Variants in HRC observed in about 807,000 individuals in gnomAD.
HRC encodes sarcoplasmic reticulum histidine-rich calcium-binding protein.
A neutral mutation model predicts 61.4 loss-of-function variants in HRC; 41 were observed. That is an observed-to-expected ratio of 0.67 (90% CI 0.52 to 0.87). The LOEUF is 0.87. HRC is among the 40% of genes least tolerant of loss of function. The probability of loss-of-function intolerance (pLI) is 0.00; values close to 1 mark genes in which losing one functional copy is unlikely to be tolerated. For missense variants in HRC, 839 were observed against 885.8 expected (o/e 0.95, Z 0.67); for synonymous variants, 308 against 326.6 (o/e 0.94, Z 0.62).
At position 49,154,598 on chromosome 19, in the gene HRC, G is replaced by GGGA. The variant is rs1568446146; in HGVS notation, c.639_640insTCC (p.Ala213_His214insSer). On this transcript the variant is annotated inframe_insertion, in exon 1 of 6. Coordinates refer to ENST00000252825, the MANE Select transcript of HRC (RefSeq NM_002152.3). ...TCACTCCCATGGCCTCGGTGCCTGTGGGCCTGGTGTCCATACTCAGTGGAG... is the reference window on the plus strand; with the variant it reads ...TCACTCCCATGGCCTCGGTGCCTGTGGGAGGCCTGGTGTCCATACTCAGTGGAG... The GGGA allele has an allele frequency of 6.2e-7, 1 of 1,604,042 alleles. No individual in the cohort carries two copies.
intron 3 of HRC, 51 bp downstream of exon 3, chr19:49,152,259 C>G (rs372481224): frequency 1.3e-6 from 2 of 1,530,588 alleles, no homozygotes; most frequent in African/African-American, 2.7e-5. Flanking sequence ...TCAGAGGGTC[C>G]CGGTGCATCC....
chr19:49,152,350 C>T lies in HRC; in HGVS notation c.1931G>A (p.Cys644Tyr). The change falls in exon 3 of 6, where the codon TGT becomes TAT. Residue 644 changes from cysteine to tyrosine, a missense_variant. Coordinates refer to ENST00000252825, the MANE Select transcript of HRC (RefSeq NM_002152.3). The stretch of plus-strand genomic sequence containing the variant: ...GTGCTCACCCATGTTCTCCTCATCA[C>T]AGTGACAGCTCTCACATTCAGTGCA... ...NRCTECESCH[C>Y]DEENMGEHCD... 6.2e-7 allele frequency: 1 copy of T among 1,613,816 alleles called. No homozygotes were observed. The highest frequency in any genetic ancestry group is 8.5e-7 in the Non-Finnish European group (1 of 1,179,958).
chr19:49,152,178 C>T, intron 3 of HRC, 120 bp from the exon 4 acceptor site: 8 of 1,267,386 alleles, frequency 6.3e-6, no homozygotes, highest in Non-Finnish European at 8.1e-6. Context: ...GAGTCAGGAT[C>T]GCTTGTGGAG....
At chr19:49,152,664 G>T (rs2041373345) in intron 2 of HRC, among the ~76,000 whole-genome samples, 1 of 151,986 alleles carries the variant, frequency 6.6e-6, no homozygotes, top group African/African-American at 2.4e-5. Flanking sequence ...CCGTCTCCCG[G>T]GTTCAAGCGA....
rs111701766 is a variant in HRC at position 49,154,682 on chromosome 19, C to T, written c.556G>A (p.Asp186Asn). 8.1e-6 allele frequency: 13 copies of T among 1,613,964 alleles called. No individual in the cohort carries two copies. Among genetic ancestry groups the T allele is most frequent in the African/African-American group, 2.7e-5 (2 of 75,006 alleles). ...TCTTCTCCTTCATCATCTTCCCCAT[C>T]ATGGCCTCGGTGTCCATGCCTGAGG... ...HILRHGHRGH[D>N]GEDDEGEEEE... is the part of the protein sequence containing the mutation. The change falls in exon 1 of 6, where the codon GAT becomes AAT. Residue 186 changes from aspartate to asparagine, a missense_variant. Transcript: ENST00000252825.
At position 49,153,516 on chromosome 19, in the gene HRC, C is replaced by G. The variant is rs772943983; in HGVS notation, c.1722G>C (p.Glu574Asp). Reference sequence around the variant, plus strand: ...GGGGCTCATCTTCCTCCAGCCCCTCCTCCTCCTCCTCTTCCTCCTCGCTGT... The same window carrying G: ...GGGGCTCATCTTCCTCCAGCCCCTCGTCCTCCTCCTCTTCCTCCTCGCTGT... ...PDHSEEEEEEEEGLEEDEPRF... is the reference protein window; with the variant it reads ...PDHSEEEEEEDEGLEEDEPRF... Residue 574 changes from glutamate to aspartate, a missense_variant, in exon 1 of 6, where the codon GAG becomes GAC. Glu to Asp is a conservative substitution (Grantham distance 45). Transcript: ENST00000252825. The surrounding 1 kb of genome is among the most constrained non-coding windows in gnomAD (Gnocchi z 4.8). The G allele has an allele frequency of 9.5e-6, 15 of 1,581,796 alleles. No homozygotes were observed. In the East Asian group the frequency reaches 3.1e-4, roughly 33 times the overall value.
At chr19:49,152,896 C>T (rs2041375635) in intron 2 of HRC, among the ~76,000 whole-genome samples, 1 of 152,026 alleles carries the variant, frequency 6.6e-6, no homozygotes, top group Admixed American at 6.6e-5. Context: ...TATCTCAGGG[C>T]GACCCCATGT....
In HRC at chr19:49,154,663, C is replaced by T. The variant is rs200730671; in HGVS notation, c.575G>A (p.Gly192Glu). The T allele has an allele frequency of 6.3e-7, 1 of 1,595,464 alleles. No homozygotes were observed. The highest frequency in any genetic ancestry group is 1.4e-5 in the African/African-American group (1 of 72,566). ...HRGHDGEDDEGEEEEEEEEEE... is the reference protein window; with the variant it reads ...HRGHDGEDDEEEEEEEEEEEE... ...CTCCTCCTCCTCCTCCTCCTCTTCT[C>T]CTTCATCATCTTCCCCATCATGGCC... The change falls in exon 1 of 6, where the codon GGA becomes GAA. Residue 192 changes from glycine to glutamate, a missense_variant. Transcript: ENST00000252825.
Position 49,153,708 on chromosome 19 carries a change from A to T in HRC, c.1530T>A (p.His510Gln). The change falls in exon 1 of 6, where the codon CAT becomes CAA. Residue 510 changes from histidine to glutamine, a missense_variant. By Grantham distance (24) the His-to-Gln change is conservative. Transcript: ENST00000252825. The surrounding 1 kb of genome is among the most constrained non-coding windows in gnomAD (Gnocchi z 4.8). ...ESSEQGEKGT[H>Q]HGSRDQEDEE... ...CATCTTCCTGGTCCCGGCTGCCATG[A>T]TGGGTGCCTTTCTCTCCCTGCTCTG... 6.2e-7 allele frequency: 1 copy of T among 1,613,582 alleles called. No homozygotes were observed.
rs2041408685 is a variant in HRC, at chr19:49,154,831, C to T, written c.407G>A (p.Gly136Asp). 6.2e-7 allele frequency: 1 copy of T among 1,614,152 alleles called. No individual in the cohort carries two copies. Among genetic ancestry groups the T allele is most frequent in the Non-Finnish European group, 8.5e-7 (1 of 1,180,012 alleles). The stretch of plus-strand genomic sequence containing the variant: ...GTCTTCCGTGTCTTCACTCCCGTGG[C>T]CTCTGTGCCCACGGGCCTGCCCACC... ...EHGGQARGHR[G>D]HGSEDTEDSA... The change falls in exon 1 of 6, where the codon GGC becomes GAC. Residue 136 changes from glycine (G) to aspartate (D), a missense_variant. Transcript: ENST00000252825.
rs2041393875 is a variant in HRC, at chr19:49,154,330, T to A, written c.908A>T (p.Asp303Val). 1.9e-6 allele frequency: 3 copies of A among 1,613,188 alleles called. No individual in the cohort carries two copies. Among genetic ancestry groups the A allele is most frequent in the East Asian group, 4.5e-5 (2 of 44,858 alleles). ...PSHRHRSHEE[D>V]DNDDDDVSTE... ...GGAGACATCATCATCATCATTGTCA[T>A]CTTCTTCATGGCTTCGGTGCCTGTG... The change falls in exon 1 of 6, where the codon GAT becomes GTT. Residue 303 changes from aspartate (D) to valine (V), a missense_variant. By Grantham distance (152) the Asp-to-Val change is radical (BLOSUM62 -3). Transcript: ENST00000252825.
At chr19:49,151,773 A>C (rs531986737) in intron 4 of HRC, among the ~76,000 whole-genome samples, 4 of 152,058 alleles carry the variant, frequency 2.6e-5, no homozygotes, top group Admixed American at 2.6e-4. Flanking sequence ...CTCGCCCATT[A>C]GGCTCTAAGC....
intron 5 of HRC, 34 bp from the exon 6 acceptor site, chr19:49,151,366 G>A: frequency 6.4e-7 from 1 of 1,556,578 alleles, no homozygotes; most frequent in South Asian, 1.2e-5. Context: ...TAGACAGCTG[G>A]TGTTCAAAGC....
At position 49,154,472 on chromosome 19, in the gene HRC, CAT is replaced by C; in HGVS notation, c.764_765del (p.Asp255GlyfsTer2). The C allele has an allele frequency of 6.3e-7, 1 of 1,587,018 alleles. No homozygotes were observed. The highest frequency in any genetic ancestry group is 8.6e-7 in the Non-Finnish European group (1 of 1,160,784). ...EDDDDDDDDD[D>X]DDDDDDVSIE... ...ATGGAGACATCATCATCATCATCAT[CAT>C]CATCATCATCATCATCATCATCGTC... On this transcript the variant is annotated frameshift_variant, in exon 1 of 6. Coordinates refer to ENST00000252825, the MANE Select transcript of HRC (RefSeq NM_002152.3). LOFTEE classifies it high-confidence loss of function.
In HRC at chr19:49,154,802, C is replaced by T. The variant is rs754385123; in HGVS notation, c.436G>A (p.Ala146Thr). The stretch of plus-strand genomic sequence containing the variant: ...CTGGGGAGGTGGTGCCTGTGCTCAG[C>T]TGAGTCTTCCGTGTCTTCACTCCCG... ...GHGSEDTEDS[A>T]EHRHHLPSHR... The change falls in exon 1 of 6, where the codon GCT becomes ACT. Residue 146 changes from alanine (A) to threonine (T), a missense_variant. Transcript: ENST00000252825. 6 of 1,613,876 alleles carry T rather than the reference C, an allele frequency of 3.7e-6. No homozygotes were observed. Among genetic ancestry groups the T allele is most frequent in the East Asian group, 2.2e-5 (1 of 44,858 alleles).
At position 49,153,500 on chromosome 19, in the gene HRC, C is replaced by G. The variant is rs4801795; in HGVS notation, c.1738G>C (p.Asp580His). The change falls in exon 1 of 6, where the codon GAT becomes CAT. Residue 580 changes from aspartate (D) to histidine (H), a missense_variant. Transcript: ENST00000252825. This position sits in a 1 kb window ranked among gnomAD's most constrained non-coding sequence, Gnocchi z 4.8. ...EEEEEEGLEE[D>H]EPRFTIIPNP... ...GGGATGATGGTGAAGCGGGGCTCAT[C>G]TTCCTCCAGCCCCTCCTCCTCCTCC... 1.3e-6 allele frequency: 2 copies of G among 1,586,648 alleles called. No individual in the cohort carries two copies. Among genetic ancestry groups the G allele is most frequent in the Non-Finnish European group, 1.7e-6 (2 of 1,166,426 alleles).
In HRC at chr19:49,151,695, C is replaced by A. The variant is rs960970620; in HGVS notation, c.2027-142G>T. ...TTCCAACTGAATCCCTTCTACCGGACCCCTTTTTCGTTCTGGGTGATTCCG... is the reference window on the plus strand; with the variant it reads ...TTCCAACTGAATCCCTTCTACCGGAACCCTTTTTCGTTCTGGGTGATTCCG... On this transcript the variant is annotated intron_variant, in intron 4 of 5. Coordinates refer to ENST00000252825, the MANE Select transcript of HRC (RefSeq NM_002152.3). 6 of 776,370 alleles carry A rather than the reference C, an allele frequency of 7.7e-6. No homozygotes were observed. In the African/African-American group the frequency reaches 1.0e-4, roughly 13 times the overall value. The allele number at this position is 776,370 out of a possible 1,614,324, so 48.1% of individuals were successfully genotyped here. A position where few individuals can be genotyped will look rare whatever the true frequency, so the allele number is the denominator to read the frequency against.
In HRC at chr19:49,154,142, G is replaced by A; in HGVS notation, c.1096C>T (p.Pro366Ser). 1.2e-6 allele frequency: 2 copies of A among 1,614,112 alleles called. No individual in the cohort carries two copies. Among genetic ancestry groups the A allele is most frequent in the Non-Finnish European group, 1.7e-6 (2 of 1,180,020 alleles). ...DVSTERWHQG[P>S]QHVHHGLVDE... ...ACAAGGCCATGGTGGACATGTTGGG[G>A]ACCCTGGTGCCAACGTTCAGTGGAC... is the stretch of plus-strand genomic sequence containing the variant. Residue 366 changes from proline to serine, a missense_variant, in exon 1 of 6, where the codon CCC becomes TCC. Coordinates refer to ENST00000252825, the MANE Select transcript of HRC (RefSeq NM_002152.3).
rs1028012565 is a variant in HRC, at chr19:49,155,085, C to T, written c.153G>A (p.Glu51=). 2 of 1,614,188 alleles carry T rather than the reference C, an allele frequency of 1.2e-6. No homozygotes were observed. The highest frequency in any genetic ancestry group is 1.7e-6 in the Non-Finnish European group (2 of 1,180,034). ...GGTGGCGAAGCTCTGCTGATGCCTC[C>T]TCGGAGAGCCCGGCGACTCCAGTGC... is the stretch of plus-strand genomic sequence containing the variant. ...NNSTGVAGLS[E]EASAELRHHL... Residue 51 remains glutamate, a synonymous_variant, in exon 1 of 6, where the codon GAG becomes GAA. Coordinates refer to ENST00000252825, the MANE Select transcript of HRC (RefSeq NM_002152.3). The surrounding 1 kb of genome is among the most constrained non-coding windows in gnomAD (Gnocchi z 4.7).
Sources: allele counts gnomAD v4.1 joint callset (sites outside exome capture counted in the v4.1 genomes callset), GRCh38; gene constraint gnomAD v4.1.1; non-coding constraint Gnocchi (gnomAD v3.1); transcripts MANE v1.5; gene names NCBI Gene and HGNC (gene_info 2026-07-23, HGNC 2026-07-21).